The following KAZN variants were observed in gnomAD, a reference collection of about 807,000 sequenced individuals.
KAZN encodes kazrin.
KAZN carries 40 observed loss-of-function variants against 87.4 expected under a neutral mutation model. The ratio of observed to expected loss-of-function variants is 0.46; its 90% confidence interval spans 0.36 to 0.60. The LOEUF is 0.60. Among genes scored for constraint, KAZN ranks in the 20% least tolerant of loss-of-function variants. The pLI, the probability that KAZN is intolerant of heterozygous loss-of-function variation, is 0.00. For missense variants in KAZN, 898 were observed against 1,073.9 expected, an observed-to-expected ratio of 0.84 and a Z score of 2.29; for synonymous variants, 466 against 458.3, an observed-to-expected ratio of 1.02 and a Z score of -0.22.
rs1376799775 is a variant in KAZN at position 14,724,172 on chromosome 1, T to C, written c.226+124949T>C. Among the ~76,000 whole-genome samples the C allele has an allele frequency of 3.9e-5, 6 of 152,358 alleles. No homozygotes were observed. In the East Asian group the frequency reaches 1.2e-3, roughly 29 times the overall value. ...GAGCAGGTGCACAATTATTTTCTTA[T>C]TCTTTCATGCGCTTTTTAAAATCCC... On this transcript the variant is annotated intron_variant, in intron 1 of 14. Transcript: ENST00000376030.
intron 2 of KAZN, among the ~76,000 whole-genome samples, chr1:14,294,628 G>A (rs74057153): frequency 0.036 from 5,200 of 146,060 alleles, 284 homozygotes; most frequent in African/African-American, 0.12. Context: ...CTTTCCAGAA[G>A]TATAAAACCT....
At chr1:14,451,640 A>G (rs1667284162) in intron 2 of KAZN, among the ~76,000 whole-genome samples, 1 of 152,064 alleles carries the variant, frequency 6.6e-6, no homozygotes, top group African/African-American at 2.4e-5. Context: ...GATTATAAGG[A>G]TGTTTTAAAT....
intron 2 of KAZN, among the ~76,000 whole-genome samples, chr1:14,303,400 C>T (rs995081825): frequency 7.2e-5 from 11 of 152,166 alleles, no homozygotes; most frequent in Non-Finnish European, 7.3e-5. Flanking sequence ...CCTGCCACCA[C>T]ACCCGGCTAA....
intron 2 of KAZN, among the ~76,000 whole-genome samples, chr1:14,526,083 C>T (rs904902802): frequency 8.5e-5 from 13 of 152,250 alleles, no homozygotes; most frequent in African/African-American, 3.1e-4. Context: ...ACTAAATCAA[C>T]ATTTATGATA....
At chr1:14,400,777 AC>A (rs1426923405) in intron 2 of KAZN, among the ~76,000 whole-genome samples, 2 of 152,196 alleles carry the variant, frequency 1.3e-5, no homozygotes, top group African/African-American at 4.8e-5. Context: ...AAGTAACAGC[AC>A]TTCTTGTAGA....
intron 1 of KAZN, among the ~76,000 whole-genome samples, chr1:14,878,343 A>G (rs1000953305): frequency 3.3e-5 from 5 of 151,862 alleles, no homozygotes; most frequent in Non-Finnish European, 7.4e-5. Context: ...TAGGATGTTG[A>G]GCAACTTCCC....
chr1:14,659,957 G>GT (rs1330307778), intron 1 of KAZN, among the ~76,000 whole-genome samples: 3 of 151,886 alleles, frequency 2.0e-5, no homozygotes, highest in Admixed American at 6.6e-5. Flanking sequence ...CACTAGAAAG[G>GT]TTTTTTTCTT....
chr1:14,104,714 A>G (rs528001988), intron 1 of KAZN, among the ~76,000 whole-genome samples: 1 of 152,326 alleles, frequency 6.6e-6, no homozygotes, highest in African/African-American at 2.4e-5. Context: ...TCTGTTTAGC[A>G]GTTCCCATGA....
rs111542200 is a variant in KAZN at position 14,716,596 on chromosome 1, C to T, written c.226+117373C>T. On this transcript the variant is annotated intron_variant, in intron 1 of 14. Coordinates refer to ENST00000376030, the MANE Select transcript of KAZN (RefSeq NM_201628.3). The stretch of plus-strand genomic sequence containing the variant: ...TTCAGCTGCTAGATGAATTCTCTGG[C>T]GGCAACTCTCTGAGCAGGTAGCTCT... Among the ~76,000 whole-genome samples, 913 of 152,252 alleles carry T rather than the reference C, an allele frequency of 6.0e-3. 7 individuals are homozygous for T. The highest frequency in any genetic ancestry group is 0.021 in the African/African-American group (870 of 41,540).
At chr1:14,907,401 CAA>C (rs141495381) in intron 1 of KAZN, among the ~76,000 whole-genome samples, 32 of 98,372 alleles carry the variant, frequency 3.3e-4, no homozygotes, top group African/African-American at 4.5e-4. Context: ...GACCCTGTCT[CAA>C]AAAAAAAAAA....
chr1:14,587,289 A>G (rs1290304141), intron 2 of KAZN, among the ~76,000 whole-genome samples: 1 of 151,878 alleles, frequency 6.6e-6, no homozygotes, highest in Non-Finnish European at 1.5e-5. Flanking sequence ...TACAAAAATC[A>G]TCCGGGTGTG....
chr1:14,150,650 G>T (rs1410970475), intron 1 of KAZN, among the ~76,000 whole-genome samples: 1 of 152,138 alleles, frequency 6.6e-6, no homozygotes, highest in Non-Finnish European at 1.5e-5. Flanking sequence ...AGCCATGCAT[G>T]AACCCATTGT....
intron 2 of KAZN, among the ~76,000 whole-genome samples, chr1:14,412,476 C>A (rs1219626306): frequency 3.3e-5 from 5 of 151,978 alleles, no homozygotes; most frequent in African/African-American, 1.2e-4. Flanking sequence ...ATACAAAAAT[C>A]AATTGTATAC....
intron 1 of KAZN, among the ~76,000 whole-genome samples, chr1:14,174,945 T>C (rs1178046322): frequency 6.6e-6 from 1 of 152,186 alleles, no homozygotes; most frequent in African/African-American, 2.4e-5. Context: ...TGTCTGCTCA[T>C]GTTTAATTAG....
intron 1 of KAZN, among the ~76,000 whole-genome samples, chr1:14,059,753 G>C (rs1285027735): frequency 6.6e-6 from 1 of 152,202 alleles, no homozygotes; most frequent in Non-Finnish European, 1.5e-5. Context: ...AAGGAACTCA[G>C]AAAAGGTTTG....
In KAZN at chr1:15,115,301, G is replaced by T. The variant is rs1641805262; in HGVS notation, c.*666G>T. 1 of 152,292 alleles carries T rather than the reference G, an allele frequency of 6.6e-6. No individual in the cohort carries two copies. The highest frequency in any genetic ancestry group is 2.4e-5 in the African/African-American group (1 of 41,462). The allele number at this position is 152,292 out of a possible 1,614,324, so 9.4% of individuals were successfully genotyped here. A position where few individuals can be genotyped will look rare whatever the true frequency, so the allele number is the denominator to read the frequency against. Reference sequence around the variant, plus strand: ...CTGTTTGCCGATCCACCCAGGAGTGGCTACGCTGAGTGGGGAGCCGGTGAA... The same window carrying T: ...CTGTTTGCCGATCCACCCAGGAGTGTCTACGCTGAGTGGGGAGCCGGTGAA... On this transcript the variant is annotated 3_prime_UTR_variant, in exon 15 of 15. Transcript: ENST00000376030. The surrounding 1 kb of genome is among the most constrained non-coding windows in gnomAD (Gnocchi z 4.1).
intron 1 of KAZN, among the ~76,000 whole-genome samples, chr1:14,698,415 C>T (rs1415152992): frequency 2.6e-5 from 4 of 152,200 alleles, no homozygotes; most frequent in African/African-American, 7.2e-5. Context: ...GGCCCTCGGC[C>T]GTGAGCCACG....
chr1:14,190,130 G>A (rs1030104937), intron 2 of KAZN, among the ~76,000 whole-genome samples: 1 of 152,118 alleles, frequency 6.6e-6, no homozygotes, highest in Admixed American at 6.6e-5. Context: ...GAAACACGAT[G>A]AGCCATTAAA....
intron 2 of KAZN, among the ~76,000 whole-genome samples, chr1:14,414,839 A>G (rs1664616513): frequency 1.3e-5 from 2 of 152,108 alleles, no homozygotes; most frequent in Non-Finnish European, 2.9e-5. Flanking sequence ...AGCCTAACCA[A>G]TATGGTGAAA....
Sources: allele counts gnomAD v4.1 joint callset (sites outside exome capture counted in the v4.1 genomes callset), GRCh38; gene constraint gnomAD v4.1.1; non-coding constraint Gnocchi (gnomAD v3.1); transcripts MANE v1.5; gene names NCBI Gene and HGNC (gene_info 2026-07-23, HGNC 2026-07-21).